Variants in SUCLG2 observed in about 807,000 individuals in gnomAD.
SUCLG2 encodes succinate--CoA ligase [GDP-forming] subunit beta, mitochondrial.
A neutral mutation model predicts 47.9 loss-of-function variants in SUCLG2; 42 were observed. That is an observed-to-expected ratio of 0.88 (90% CI 0.69 to 1.14). The LOEUF (loss-of-function observed/expected upper bound fraction) is 1.14. Ranked by LOEUF, SUCLG2 falls within the 50% of genes most tolerant of loss-of-function variation. The pLI is 0.00. For missense variants in SUCLG2, 571 were observed against 525.9 expected (o/e 1.09, Z -0.84); for synonymous variants, 195 against 197.3 (o/e 0.99, Z 0.10).
intron 9 of SUCLG2, among the ~76,000 whole-genome samples, chr3:67,469,172 G>A (rs1704543553): frequency 6.6e-6 from 1 of 152,224 alleles, no homozygotes; most frequent in Non-Finnish European, 1.5e-5. Context: ...AGGCTGGCGA[G>A]TTGGGCATGG....
At chr3:67,454,876 G>A (rs1007781248) in intron 9 of SUCLG2, among the ~76,000 whole-genome samples, 6 of 151,108 alleles carry the variant, frequency 4.0e-5, no homozygotes, top group Non-Finnish European at 8.8e-5. Flanking sequence ...GCAGGAGAAT[G>A]GCGTGAACCT....
In SUCLG2 at chr3:67,473,980, A is replaced by G. The variant is rs141258348; in HGVS notation, c.1062+21818T>C. Among the ~76,000 whole-genome samples, 677 of 152,270 alleles carry G rather than the reference A, an allele frequency of 4.4e-3. 9 individuals are homozygous for G. In the East Asian group the frequency reaches 0.058, roughly 13 times the overall value. ...AGTTTAAAGAATACACTAACAGGTC[A>G]GGCATGGTGGCTCACGACTGTAATC... On this transcript the variant is annotated intron_variant, in intron 9 of 10. Coordinates refer to ENST00000307227, the MANE Select transcript of SUCLG2 (RefSeq NM_003848.4).
chr3:67,451,881 A>G (rs915943884), intron 9 of SUCLG2, among the ~76,000 whole-genome samples: 2 of 152,268 alleles, frequency 1.3e-5, no homozygotes, highest in African/African-American at 4.8e-5. Context: ...GTGTTTGCCA[A>G]TTTCCATAGC....
At chr3:67,502,882 A>G (rs1705536772) in intron 7 of SUCLG2, among the ~76,000 whole-genome samples, 1 of 152,208 alleles carries the variant, frequency 6.6e-6, no homozygotes, top group Admixed American at 6.5e-5. Flanking sequence ...GTAGAAAACA[A>G]GATTTTTGGC....
At chr3:67,563,681 C>T (rs1463530366) in intron 2 of SUCLG2, among the ~76,000 whole-genome samples, 3 of 152,004 alleles carry the variant, frequency 2.0e-5, no homozygotes, top group South Asian at 2.1e-4. Flanking sequence ...ACTAGTTGGC[C>T]GGGCGCGGTG....
chr3:67,412,669 T>C (rs1338904570), intron 9 of SUCLG2, among the ~76,000 whole-genome samples: 1 of 152,124 alleles, frequency 6.6e-6, no homozygotes, highest in African/African-American at 2.4e-5. Flanking sequence ...CTCAAAAAAG[T>C]CTTCATTACA....
At chr3:67,440,956 T>C (rs748769261) in intron 9 of SUCLG2, among the ~76,000 whole-genome samples, 1 of 152,204 alleles carries the variant, frequency 6.6e-6, no homozygotes, top group Non-Finnish European at 1.5e-5. Flanking sequence ...CTGTTTACAA[T>C]AGCAAAGACT....
chr3:67,609,501 A>G lies in SUCLG2; in HGVS notation c.180T>C (p.Phe60=). Reference sequence around the variant, plus strand: ...GAGCTTCATTTGCAGTGTCTGCTACAAAGAATCTTTGAACTCTCACTCCGT... The same window carrying G: ...GAGCTTCATTTGCAGTGTCTGCTACGAAGAATCTTTGAACTCTCACTCCGT... ...SDNGVRVQRF[F]VADTANEALE... The change falls in exon 2 of 11, where the codon TTT becomes TTC. Residue 60 remains phenylalanine, a synonymous_variant. Transcript: ENST00000307227. 1 of 1,613,650 alleles carries G rather than the reference A, an allele frequency of 6.2e-7. No homozygotes were observed. Among genetic ancestry groups the G allele is most frequent in the Non-Finnish European group, 8.5e-7 (1 of 1,179,914 alleles).
At chr3:67,642,526 A>G (rs72917922) in intron 1 of SUCLG2, among the ~76,000 whole-genome samples, 12,708 of 152,118 alleles carry the variant, frequency 0.084, 1,799 homozygotes, top group African/African-American at 0.29. Context: ...CAGAGGATTC[A>G]TTGTGCCCAG....
intron 7 of SUCLG2, among the ~76,000 whole-genome samples, chr3:67,506,860 G>A (rs999375777): frequency 2.6e-5 from 4 of 152,206 alleles, no homozygotes; most frequent in African/African-American, 7.2e-5. Flanking sequence ...GGTCATGTAC[G>A]TGAAAGCAAA....
chr3:67,530,219 T>C (rs1157185735), intron 2 of SUCLG2, among the ~76,000 whole-genome samples: 1 of 152,152 alleles, frequency 6.6e-6, no homozygotes, highest in Non-Finnish European at 1.5e-5. Context: ...CTGTGTGACA[T>C]TAGGCAAGTT....
At position 67,446,372 on chromosome 3, in the gene SUCLG2, A is replaced by AG. The variant is rs1323564662; in HGVS notation, c.1063-45522_1063-45521insC. Among the ~76,000 whole-genome samples, 37 of 20,770 alleles carry AG rather than the reference A, an allele frequency of 1.8e-3. 9 individuals carry two copies. Among genetic ancestry groups the AG allele is most frequent in the African/African-American group, 3.1e-3 (22 of 7,066 alleles). 13.6% of individuals were successfully genotyped at this position (20,770 alleles called of 152,430 possible). A position where few individuals can be genotyped will look rare whatever the true frequency, so the allele number is the denominator to read the frequency against. On this transcript the variant is annotated intron_variant, in intron 9 of 10. Coordinates refer to ENST00000307227, the MANE Select transcript of SUCLG2 (RefSeq NM_003848.4). Reference sequence around the variant, plus strand: ...TTGTATATAAAAAAAAAAAAAAAAAAAAAGAAATTAGATCTCTCCGGTATC... The same window carrying AG: ...TTGTATATAAAAAAAAAAAAAAAAAAGAAAGAAATTAGATCTCTCCGGTATC...
At chr3:67,375,945 G>A in intron 10 of SUCLG2, 86 bp from the exon 11 acceptor site, 2 of 1,504,114 alleles carry the variant, frequency 1.3e-6, no homozygotes, top group Non-Finnish European at 1.8e-6. Context: ...AGACTCACCT[G>A]TCTACAGCTT....
intron 10 of SUCLG2, among the ~76,000 whole-genome samples, chr3:67,381,001 G>A (rs561576215): frequency 1.3e-5 from 2 of 151,910 alleles, no homozygotes; most frequent in African/African-American, 2.4e-5. Flanking sequence ...AAGGGGAGGT[G>A]GGGACACGCA....
At chr3:67,510,001 C>G (rs1424256349) in intron 6 of SUCLG2, among the ~76,000 whole-genome samples, 3 of 152,168 alleles carry the variant, frequency 2.0e-5, no homozygotes, top group African/African-American at 7.2e-5. Flanking sequence ...TTCCACTCCT[C>G]TCTTTCTATC....
intron 1 of SUCLG2, among the ~76,000 whole-genome samples, chr3:67,612,255 T>C (rs1700540517): frequency 6.6e-6 from 1 of 151,740 alleles, no homozygotes; most frequent in Non-Finnish European, 1.5e-5. Flanking sequence ...GCTAATTGGG[T>C]GGCTGAGGCT....
At chr3:67,536,046 G>C (rs1002834079) in intron 2 of SUCLG2, among the ~76,000 whole-genome samples, 1 of 152,138 alleles carries the variant, frequency 6.6e-6, no homozygotes, top group Non-Finnish European at 1.5e-5. Context: ...CTCTCCTTTA[G>C]TTGCATATTA....
Position 67,374,931 on chromosome 3 carries a change from A to G in SUCLG2, c.*813T>C, listed in dbSNP as rs1303931692. ...AGAGAAACGAGGAGAGAAGATAGTG[A>G]TACTAAACACAATTTGATCTTCAGT... On this transcript the variant is annotated 3_prime_UTR_variant, in exon 11 of 11. Coordinates refer to ENST00000307227, the MANE Select transcript of SUCLG2 (RefSeq NM_003848.4). The G allele has an allele frequency of 5.1e-6, 5 of 985,576 alleles. No individual in the cohort carries two copies. The highest frequency in any genetic ancestry group is 6.0e-6 in the Non-Finnish European group (5 of 829,898). 61.1% of individuals were successfully genotyped at this position (985,576 alleles called of 1,614,324 possible). A position where few individuals can be genotyped will look rare whatever the true frequency, so the allele number is the denominator to read the frequency against.
intron 1 of SUCLG2, among the ~76,000 whole-genome samples, chr3:67,621,002 A>T (rs962595549): frequency 1.3e-5 from 2 of 152,220 alleles, no homozygotes; most frequent in African/African-American, 2.4e-5. Context: ...ATTGGGAGAG[A>T]GCTGCATTAA....
Sources: gnomAD v4.1 joint callset for allele counts (sites outside exome capture counted in the v4.1 genomes callset) on GRCh38, gnomAD v4.1.1 for gene constraint, MANE v1.5 for transcripts, NCBI Gene and HGNC (gene_info 2026-07-23, HGNC 2026-07-21) for gene names.